SP3: variants seen among roughly 807,000 people sequenced by gnomAD.
SP3 encodes the protein transcription factor Sp3.
In SP3, 10 loss-of-function variants were observed where a neutral mutation model predicts 70.3. That is an observed-to-expected ratio of 0.14 (90% CI 0.09 to 0.24). SP3 has a LOEUF of 0.24. Ranked by LOEUF, SP3 falls within the 10% of genes least tolerant of loss-of-function variation. The probability of loss-of-function intolerance (pLI) is 1.00; values close to 1 mark genes in which losing one functional copy is unlikely to be tolerated. For missense variants in SP3, 825 were observed against 914.6 expected, an observed-to-expected ratio of 0.90 and a Z score of 1.26; for synonymous variants, 402 against 333.5, an observed-to-expected ratio of 1.21 and a Z score of -2.24.
chr2:173,923,920 T>C (rs979035762), intron 4 of SP3, among the ~76,000 whole-genome samples: 11 of 152,218 alleles, frequency 7.2e-5, no homozygotes, highest in African/African-American at 2.4e-4. Flanking sequence ...CAGATTCCTA[T>C]GGATATTTCA....
rs1689209355 is a variant in SP3 at position 173,902,543 on chromosome 2, T to G, written c.*7398A>C. On this transcript the variant is annotated 3_prime_UTR_variant, in exon 7 of 7. Transcript: ENST00000310015. ...GTCAATTATTTCATTGCAGCATTGTTTATAAGTCAAAAATTGGAAATAACT... is the reference window on the plus strand; with the variant it reads ...GTCAATTATTTCATTGCAGCATTGTGTATAAGTCAAAAATTGGAAATAACT... Among the ~76,000 whole-genome samples the G allele has an allele frequency of 6.6e-6, 1 of 152,214 alleles. No homozygotes were observed. Among genetic ancestry groups the G allele is most frequent in the South Asian group, 2.1e-4 (1 of 4,834 alleles).
In SP3 at chr2:173,965,228, C is replaced by T; in HGVS notation, c.-57G>A. 3.9e-6 allele frequency: 6 copies of T among 1,541,300 alleles called. No homozygotes were observed. Among genetic ancestry groups the T allele is most frequent in the Non-Finnish European group, 4.4e-6 (5 of 1,141,694 alleles). ...CCGCCGCCTTACACATGGTGAGGAGCGAAGGCGGCGGCGGCGGGAGAGGAT... is the reference window on the plus strand; with the variant it reads ...CCGCCGCCTTACACATGGTGAGGAGTGAAGGCGGCGGCGGCGGGAGAGGAT... On this transcript the variant is annotated 5_prime_UTR_variant, in exon 1 of 7. Coordinates refer to ENST00000310015, the MANE Select transcript of SP3 (RefSeq NM_003111.5).
chr2:173,914,861 T>C (rs757630798), intron 5 of SP3: 41 of 152,168 alleles, frequency 2.7e-4, no homozygotes, highest in Admixed American at 1.8e-3. Context: ...TTTAAATTTA[T>C]TTTATTATTT....
At chr2:173,965,097 G>A in intron 1 of SP3, 68 bp downstream of exon 1, 1 of 1,542,616 alleles carries the variant, frequency 6.5e-7, no homozygotes, top group Non-Finnish European at 8.8e-7. Flanking sequence ...AGCGGCCCCG[G>A]GCTGGCTGTG....
At chr2:173,949,553 G>A (rs756851620) in intron 4 of SP3, among the ~76,000 whole-genome samples, 71 of 152,008 alleles carry the variant, frequency 4.7e-4, no homozygotes, top group Non-Finnish European at 8.2e-4. Flanking sequence ...ATGTAAGAAA[G>A]AATTATATGA....
intron 3 of SP3, among the ~76,000 whole-genome samples, chr2:173,959,555 G>A (rs796170249): frequency 1.4e-4 from 22 of 151,912 alleles, no homozygotes; most frequent in African/African-American, 5.3e-4. Flanking sequence ...ATGAAACCCC[G>A]CCTCTACTAA....
In SP3 at chr2:173,907,350, T is replaced by C. The variant is rs1368318463; in HGVS notation, c.*2591A>G. ...GTTTTATAACCAGAAAAAGTTGACA[T>C]CAGAGCAAATCTTCAAATGTTGTTT... On this transcript the variant is annotated 3_prime_UTR_variant, in exon 7 of 7. Coordinates refer to ENST00000310015, the MANE Select transcript of SP3 (RefSeq NM_003111.5). The C allele has an allele frequency of 6.6e-6, 1 of 152,092 alleles. No individual in the cohort carries two copies. The highest frequency in any genetic ancestry group is 2.4e-5 in the African/African-American group (1 of 41,432). The allele number at this position is 152,092 out of a possible 1,614,324, so 9.4% of individuals were successfully genotyped here.
At chr2:173,928,884 T>C (rs73972411) in intron 4 of SP3, among the ~76,000 whole-genome samples, 5,642 of 152,340 alleles carry the variant, frequency 0.037, 373 homozygotes, top group African/African-American at 0.13. Flanking sequence ...AACAACTATA[T>C]TGAGCGAACA....
chr2:173,901,979 C>A lies in SP3; in HGVS notation c.*7962G>T, dbSNP rs1223498061. On this transcript the variant is annotated 3_prime_UTR_variant, in exon 7 of 7. Transcript: ENST00000310015. ...CTGGGACCACAGGCATGAGCCACTGCCCCCGGCCAAGCCTTCTTTTCAATA... is the reference window on the plus strand; with the variant it reads ...CTGGGACCACAGGCATGAGCCACTGACCCCGGCCAAGCCTTCTTTTCAATA... Among the ~76,000 whole-genome samples, 1 of 152,120 alleles carries A rather than the reference C, an allele frequency of 6.6e-6. No homozygotes were observed. The highest frequency in any genetic ancestry group is 1.5e-5 in the Non-Finnish European group (1 of 68,022).
At chr2:173,928,248 A>G (rs1316829932) in intron 4 of SP3, among the ~76,000 whole-genome samples, 1 of 152,244 alleles carries the variant, frequency 6.6e-6, no homozygotes, top group Non-Finnish European at 1.5e-5. Context: ...CGGCAGGTAT[A>G]TCTGCTTCAG....
chr2:173,929,462 C>A (rs1380942070), intron 4 of SP3, among the ~76,000 whole-genome samples: 1 of 152,192 alleles, frequency 6.6e-6, no homozygotes, highest in Admixed American at 6.5e-5. Flanking sequence ...TTCACAGAGA[C>A]CTATTTATTA....
chr2:173,956,086 G>A lies in SP3; in HGVS notation c.426C>T (p.Pro142=). ...AATSSGQYVL[P]LQNLQNQQIF... Reference sequence around the variant, plus strand: ...TTTGTTGATTCTGCAAATTCTGAAGGGGAAGAACATACTGCCCACTTGAAG... The same window carrying A: ...TTTGTTGATTCTGCAAATTCTGAAGAGGAAGAACATACTGCCCACTTGAAG... The change falls in exon 4 of 7, where the codon CCC becomes CCT. Residue 142 remains proline (P), a synonymous_variant. Coordinates refer to ENST00000310015, the MANE Select transcript of SP3 (RefSeq NM_003111.5). 1 of 1,614,096 alleles carries A rather than the reference G, an allele frequency of 6.2e-7. No individual in the cohort carries two copies. Among genetic ancestry groups the A allele is most frequent in the East Asian group, 2.2e-5 (1 of 44,876 alleles).
intron 4 of SP3, among the ~76,000 whole-genome samples, chr2:173,927,235 T>C (rs1689941425): frequency 6.6e-6 from 1 of 151,912 alleles, no homozygotes; most frequent in South Asian, 2.1e-4. Flanking sequence ...CAATTGAACA[T>C]GAGATTTGGG....
chr2:173,952,528 A>C (rs943099514), intron 4 of SP3, among the ~76,000 whole-genome samples: 1 of 152,226 alleles, frequency 6.6e-6, no homozygotes, highest in Non-Finnish European at 1.5e-5. Flanking sequence ...GGTTAAACCC[A>C]ATTGCCATAT....
rs1212238029 is a variant in SP3 at position 173,903,028 on chromosome 2, T to TA, written c.*6912dup. On this transcript the variant is annotated 3_prime_UTR_variant, in exon 7 of 7. Coordinates refer to ENST00000310015, the MANE Select transcript of SP3 (RefSeq NM_003111.5). The stretch of plus-strand genomic sequence containing the variant: ...TTTTCTGTATTCTTGAAATGTTTCA[T>TA]AATAAAAAAGGCACAATACGAATAC... Among the ~76,000 whole-genome samples, 1 of 152,244 alleles carries TA rather than the reference T, an allele frequency of 6.6e-6. No homozygotes were observed. Among genetic ancestry groups the TA allele is most frequent in the South Asian group, 2.1e-4 (1 of 4,836 alleles).
rs1342134431 is a variant in SP3 at position 173,903,755 on chromosome 2, G to A, written c.*6186C>T. 2.0e-5 allele frequency among the ~76,000 whole-genome samples: 3 copies of A among 152,174 alleles called. No individual in the cohort carries two copies. The highest frequency in any genetic ancestry group is 4.4e-5 in the Non-Finnish European group (3 of 68,024). On this transcript the variant is annotated 3_prime_UTR_variant, in exon 7 of 7. Coordinates refer to ENST00000310015, the MANE Select transcript of SP3 (RefSeq NM_003111.5). ...CAGCCATCTGTTAAGAGGGCGTCCTGAAACTGTAGAGGGACTTCTAAGGCT... is the reference window on the plus strand; with the variant it reads ...CAGCCATCTGTTAAGAGGGCGTCCTAAAACTGTAGAGGGACTTCTAAGGCT...
chr2:173,954,784 T>C, intron 4 of SP3, 89 bp downstream of exon 4: 2 of 1,122,682 alleles, frequency 1.8e-6, no homozygotes, highest in South Asian at 1.5e-5. Context: ...CTAATGTGAG[T>C]CTGATGCTGA....
At chr2:173,924,228 C>A (rs1689844581) in intron 4 of SP3, among the ~76,000 whole-genome samples, 1 of 152,136 alleles carries the variant, frequency 6.6e-6, no homozygotes, top group Non-Finnish European at 1.5e-5. Flanking sequence ...TGAAATTAAT[C>A]TTTTATTAAC....
At chr2:173,931,236 T>C (rs1690056242) in intron 4 of SP3, among the ~76,000 whole-genome samples, 1 of 152,178 alleles carries the variant, frequency 6.6e-6, no homozygotes, top group African/African-American at 2.4e-5. Context: ...CTGATCAAGA[T>C]GGTGGTTGCT....
Sources: allele counts gnomAD v4.1 joint callset (sites outside exome capture counted in the v4.1 genomes callset), GRCh38; gene constraint gnomAD v4.1.1; transcripts MANE v1.5; gene names NCBI Gene and HGNC (gene_info 2026-07-23, HGNC 2026-07-21).